The following COL18A1 variants were observed in gnomAD, a reference collection of about 807,000 sequenced individuals.
The protein encoded by COL18A1 is collagen alpha-1(XVIII) chain.
Under a neutral mutation model 168.0 loss-of-function variants are expected in COL18A1, and 133 were observed. That is an observed-to-expected ratio of 0.79 (90% CI 0.69 to 0.91). The LOEUF (loss-of-function observed/expected upper bound fraction) is 0.91. Ranked by LOEUF, COL18A1 falls within the 40% of genes least tolerant of loss-of-function variation. COL18A1 has a pLI of 0.00. For synonymous variants in COL18A1, 949 were observed against 809.0 expected (o/e 1.17, Z -2.94); for missense variants, 2,126 against 1,925.4 (o/e 1.10, Z -1.95).
chr21:45,438,070 TCAGA>T (rs1305671522), intron 2 of COL18A1, among the ~76,000 whole-genome samples: 1 of 59,654 alleles, frequency 1.7e-5, no homozygotes, highest in Non-Finnish European at 3.3e-5. Context: ...ACACTCACAC[TCAGA>T]CAAGCACTCT....
At chr21:45,477,991 C>A in intron 8 of COL18A1, 26 bp downstream of exon 8, 1 of 1,259,182 alleles carries the variant, frequency 7.9e-7, no homozygotes, top group South Asian at 1.3e-5. Context: ...CCCCCGAGTC[C>A]GGCCCGGTCT....
At chr21:45,480,938 G>C in intron 13 of COL18A1, 80 bp downstream of exon 13, 6 of 1,527,268 alleles carry the variant, frequency 3.9e-6, no homozygotes, top group Non-Finnish European at 4.4e-6. Context: ...GGGAGCCCCT[G>C]CCCCGCCTCA....
At chr21:45,495,241 G>T in intron 28 of COL18A1, 117 bp from the exon 29 acceptor site, 1 of 843,652 alleles carries the variant, frequency 1.2e-6, no homozygotes, top group Non-Finnish European at 2.0e-6. Flanking sequence ...CTGGGAACGT[G>T]TGAGGCTGAG....
chr21:45,496,667 TG>T, intron 30 of COL18A1, 99 bp downstream of exon 30: 1 of 772,180 alleles, frequency 1.3e-6, no homozygotes, highest in Non-Finnish European at 2.4e-6. Flanking sequence ...CCTCTGCGTC[TG>T]GGGGTCCTTC....
In COL18A1 at chr21:45,482,011, C is replaced by T; in HGVS notation, c.1660C>T (p.Gln554Ter). Residue 554 changes from glutamine (Q) to a stop codon, truncating the protein, a stop_gained, in exon 14 of 42, where the codon CAG becomes TAG. Transcript: ENST00000651438. LOFTEE classifies it high-confidence loss of function. Reference protein sequence around the residue: ...GREGPPGRTGQKGSLGEAGAP... With the variant: ...GREGPPGRTG ...AGAGGGGCCCCCAGGAAGGACTGGG[C>T]AGAAAGGCAGCCTGGTAAGTCTTCC... 1 of 1,613,224 alleles carries T rather than the reference C, an allele frequency of 6.2e-7. No individual in the cohort carries two copies. Among genetic ancestry groups the T allele is most frequent in the Non-Finnish European group, 8.5e-7 (1 of 1,179,328 alleles).
chr21:45,504,341 G>T, intron 33 of COL18A1, 75 bp from the exon 34 acceptor site: 13 of 1,490,012 alleles, frequency 8.7e-6, no homozygotes, highest in Non-Finnish European at 1.2e-5. Context: ...CCCAGCCCTG[G>T]CTCGGGGGGA....
chr21:45,490,137 C>T, intron 19 of COL18A1, 138 bp from the exon 20 acceptor site: 2 of 514,734 alleles, frequency 3.9e-6, no homozygotes, highest in Non-Finnish European at 3.6e-6. Flanking sequence ...CCTCCACAGC[C>T]CCTGCTCAGG....
At chr21:45,474,101 C>T (rs147074391) in intron 4 of COL18A1, 120 bp downstream of exon 4, 25 of 745,110 alleles carry the variant, frequency 3.4e-5, no homozygotes, top group Middle Eastern at 2.3e-4. Context: ...TGGGAAGCTG[C>T]GATACCATTT....
intron 28 of COL18A1, chr21:45,495,129 G>A: frequency 6.3e-6 from 4 of 639,864 alleles, no homozygotes; most frequent in South Asian, 5.4e-5. Flanking sequence ...AAGCCCTGGA[G>A]GCAGACAGGG....
Position 45,505,964 on chromosome 21 carries a change from C to T in COL18A1, c.3214C>T (p.Gln1072Ter). 1 of 1,613,098 alleles carries T rather than the reference C, an allele frequency of 6.2e-7. No individual in the cohort carries two copies. Among genetic ancestry groups the T allele is most frequent in the Non-Finnish European group, 8.5e-7 (1 of 1,179,940 alleles). ...CGTGCAGAACGGGTTCCGGAAGGTCCAGGTGAGCGCTCTGTGTGACGGGTT... is the reference window on the plus strand; with the variant it reads ...CGTGCAGAACGGGTTCCGGAAGGTCTAGGTGAGCGCTCTGTGTGACGGGTT... Reference protein sequence around the residue: ...VRVQNGFRKVQLEARTPLPRG... With the variant: ...VRVQNGFRKV Residue 1072 changes from glutamine (Q) to a stop codon, truncating the protein, a stop_gained and splice_region_variant, in exon 37 of 42, where the codon CAG becomes TAG. Coordinates refer to ENST00000651438, the MANE Select transcript of COL18A1 (RefSeq NM_001379500.1). LOFTEE classifies it high-confidence loss of function.
In COL18A1 at chr21:45,512,250, G is replaced by A; in HGVS notation, c.3872G>A (p.Cys1291Tyr). The change falls in exon 42 of 42, where the codon TGT becomes TAT. Residue 1291 changes from cysteine (C) to tyrosine (Y), a missense_variant. Transcript: ENST00000651438. Reference sequence around the variant, plus strand: ...GGGCGCAGGCTGACCGAGAGCTACTGTGAGACGTGGCGGACGGAGGCTCCC... The same window carrying A: ...GGGCGCAGGCTGACCGAGAGCTACTATGAGACGTGGCGGACGGAGGCTCCC... Reference protein sequence around the residue: ...PNGRRLTESYCETWRTEAPSA... With the variant: ...PNGRRLTESYYETWRTEAPSA... The A allele has an allele frequency of 6.2e-7, 1 of 1,612,574 alleles. No individual in the cohort carries two copies. The highest frequency in any genetic ancestry group is 8.5e-7 in the Non-Finnish European group (1 of 1,179,780).
In COL18A1 at chr21:45,490,871, G is replaced by A. The variant is rs868680623; in HGVS notation, c.2067G>A (p.Lys689=). 9.7e-6 allele frequency: 15 copies of A among 1,549,938 alleles called. No homozygotes were observed. The Middle Eastern group carries it at 8.4e-4, about 87-fold the overall frequency. The stretch of plus-strand genomic sequence containing the variant: ...GAGACAGAGGCAGCCGGGGAGAAAA[G>A]GTGAGTGTCCCTGGGGCGGGTGGAT... ...PKGDRGSRGE[K]GDPGKDGVGQ... Residue 689 remains lysine (K), a splice_region_variant and synonymous_variant, in exon 21 of 42, where the codon AAG becomes AAA. Transcript: ENST00000651438.
intron 2 of COL18A1, among the ~76,000 whole-genome samples, chr21:45,460,549 G>A (rs892545922): frequency 1.7e-4 from 26 of 152,306 alleles, no homozygotes; most frequent in African/African-American, 4.8e-4. Context: ...CTCCTTCATC[G>A]CTCCTCCCTA....
chr21:45,502,297 T>C (rs2086853035), intron 32 of COL18A1, among the ~76,000 whole-genome samples: 1 of 152,210 alleles, frequency 6.6e-6, no homozygotes, highest in Admixed American at 6.5e-5. Context: ...GGTCACGGTT[T>C]CAGGGGAACA....
chr21:45,507,657 C>T (rs1398251601), intron 38 of COL18A1, 64 bp downstream of exon 38: 1 of 1,497,690 alleles, frequency 6.7e-7, no homozygotes, highest in Non-Finnish European at 9.3e-7. Flanking sequence ...ATGTGCTGTC[C>T]CCTGTTTGAG....
rs115310886 is a variant in COL18A1 at position 45,474,001 on chromosome 21, C to T, written c.738+20C>T. 3,896 of 1,559,766 alleles carry T rather than the reference C, an allele frequency of 2.5e-3. 94 individuals carry two copies. The African/African-American group carries it at 0.045, about 18-fold the overall frequency. On this transcript the variant is annotated intron_variant, in intron 4 of 41. Transcript: ENST00000651438. ...GATGGGGTGAGTGACATCTGGGGCA[C>T]GGGTGGGGTCTCCCCTCAATCCCTG... is the stretch of plus-strand genomic sequence containing the variant.
intron 13 of COL18A1, among the ~76,000 whole-genome samples, chr21:45,481,734 G>A (rs963947757): frequency 3.9e-5 from 6 of 152,340 alleles, no homozygotes; most frequent in African/African-American, 7.2e-5. Context: ...GCATCTTCCC[G>A]CCGTGGTGCT....
intron 19 of COL18A1, 138 bp downstream of exon 19, chr21:45,489,659 G>C: frequency 1.5e-6 from 1 of 655,624 alleles, no homozygotes; most frequent in Non-Finnish European, 2.6e-6. Context: ...TTGAAGACGT[G>C]CTGGTTTCAA....
rs544998721 is a variant in COL18A1, at chr21:45,472,827, G to A, written c.652-1068G>A. Among the ~76,000 whole-genome samples the A allele has an allele frequency of 7.9e-5, 12 of 152,270 alleles. No homozygotes were observed. The South Asian group carries it at 1.2e-3, about 16-fold the overall frequency. ...CACCCCCCCACGCATGAGCTCACAC[G>A]CGTGCATACGTGATCTCATGTTTGC... On this transcript the variant is annotated intron_variant, in intron 3 of 41. Transcript: ENST00000651438.
Sources: gnomAD v4.1 joint callset for allele counts (sites outside exome capture counted in the v4.1 genomes callset) on GRCh38, gnomAD v4.1.1 for gene constraint, MANE v1.5 for transcripts, NCBI Gene and HGNC (gene_info 2026-07-23, HGNC 2026-07-21) for gene names.